The following ADAMTSL3 variants were observed in gnomAD, a reference collection of about 807,000 sequenced individuals.
ADAMTSL3 encodes ADAMTS like 3.
ADAMTSL3 carries 128 observed loss-of-function variants against 201.7 expected under a neutral mutation model. That is an observed-to-expected ratio of 0.63 (90% CI 0.55 to 0.73). ADAMTSL3 has a LOEUF of 0.73. ADAMTSL3 is among the 30% of genes least tolerant of loss of function. The pLI, the probability that ADAMTSL3 is intolerant of heterozygous loss-of-function variation, is 0.00. For synonymous variants in ADAMTSL3, 738 were observed against 748.4 expected, an observed-to-expected ratio of 0.99 and a Z score of 0.23; for missense variants, 1,990 against 2,119.6, an observed-to-expected ratio of 0.94 and a Z score of 1.20.
chr15:83,833,529 C>T (rs1241349628), intron 6 of ADAMTSL3, among the ~76,000 whole-genome samples: 1 of 152,168 alleles, frequency 6.6e-6, no homozygotes, highest in Non-Finnish European at 1.5e-5. Context: ...TGGACACATT[C>T]AGTCTATAGC....
chr15:84,006,600 A>G (rs1372074488), intron 23 of ADAMTSL3, among the ~76,000 whole-genome samples: 1 of 152,200 alleles, frequency 6.6e-6, no homozygotes, highest in African/African-American at 2.4e-5. Flanking sequence ...TTCCAAAACA[A>G]TTTCAGCATT....
chr15:83,961,040 A>G (rs2066959833), intron 19 of ADAMTSL3, among the ~76,000 whole-genome samples: 1 of 152,200 alleles, frequency 6.6e-6, no homozygotes, highest in Non-Finnish European at 1.5e-5. Context: ...ATGTCTAGGG[A>G]AAAAGTGGCT....
At chr15:83,778,004 G>A (rs994141679) in intron 4 of ADAMTSL3, among the ~76,000 whole-genome samples, 8 of 152,152 alleles carry the variant, frequency 5.3e-5, no homozygotes, top group African/African-American at 1.9e-4. Context: ...AATAGACCAA[G>A]TGGAGGAAAG....
intron 3 of ADAMTSL3, among the ~76,000 whole-genome samples, chr15:83,753,933 A>G (rs567302101): frequency 9.2e-5 from 14 of 152,204 alleles, no homozygotes; most frequent in Non-Finnish European, 1.8e-4. Flanking sequence ...TGAAGATTTT[A>G]ATAACATGTG....
intron 8 of ADAMTSL3, among the ~76,000 whole-genome samples, chr15:83,860,587 T>C (rs1045807572): frequency 5.9e-5 from 9 of 152,206 alleles, no homozygotes; most frequent in African/African-American, 2.2e-4. Flanking sequence ...TCTCATGATA[T>C]TAAAGGCCAT....
At chr15:83,984,699 A>G (rs1252438187) in intron 21 of ADAMTSL3, among the ~76,000 whole-genome samples, 1 of 152,200 alleles carries the variant, frequency 6.6e-6, no homozygotes, top group African/African-American at 2.4e-5. Flanking sequence ...GTTCATACAA[A>G]TAACATATTT....
intron 4 of ADAMTSL3, among the ~76,000 whole-genome samples, chr15:83,794,274 C>T (rs2063389418): frequency 6.6e-6 from 1 of 152,174 alleles, no homozygotes; most frequent in Admixed American, 6.6e-5. Context: ...AAACATGCAA[C>T]TACCATACAA....
chr15:83,941,379 G>A (rs1357550786), intron 17 of ADAMTSL3, among the ~76,000 whole-genome samples: 3 of 151,650 alleles, frequency 2.0e-5, no homozygotes. Context: ...CAATATGAGT[G>A]CTTATTTTAA....
chr15:83,776,336 G>A (rs1326526875), intron 4 of ADAMTSL3, among the ~76,000 whole-genome samples: 3 of 152,166 alleles, frequency 2.0e-5, no homozygotes, highest in Non-Finnish European at 4.4e-5. Context: ...TAACTCCAGT[G>A]AATTAAACTA....
rs1407451787 is a variant in ADAMTSL3 at position 83,892,700 on chromosome 15, T to C, written c.1279T>C (p.Trp427Arg). The C allele has an allele frequency of 6.2e-7, 1 of 1,613,668 alleles. No homozygotes were observed. The highest frequency in any genetic ancestry group is 8.5e-7 in the Non-Finnish European group (1 of 1,179,886). The change falls in exon 13 of 30, where the codon TGG becomes CGG. Residue 427 changes from tryptophan (W) to arginine (R), a missense_variant. Transcript: ENST00000286744. ...QPLPRWEHNPWTACSVSCGGG... is the reference protein window; with the variant it reads ...QPLPRWEHNPRTACSVSCGGG... ...GCTTTTGAGCTGGGAACATAATCCT[T>C]GGACTGCATGTTCCGTGTCCTGTGG...
intron 17 of ADAMTSL3, among the ~76,000 whole-genome samples, chr15:83,928,022 C>A (rs56208711): frequency 6.6e-6 from 1 of 151,520 alleles, no homozygotes; most frequent in African/African-American, 2.4e-5. Flanking sequence ...GTTGCTCAGG[C>A]TGGAGTGCAA....
intron 22 of ADAMTSL3, among the ~76,000 whole-genome samples, chr15:83,989,888 A>G (rs1370844587): frequency 6.6e-6 from 1 of 152,250 alleles, no homozygotes; most frequent in Non-Finnish European, 1.5e-5. Context: ...TTTTTCTTGC[A>G]GACAGTTCTG....
intron 19 of ADAMTSL3, among the ~76,000 whole-genome samples, chr15:83,951,855 G>A (rs1218991318): frequency 2.6e-5 from 4 of 152,180 alleles, no homozygotes; most frequent in African/African-American, 9.6e-5. Context: ...CAGTTCTAAT[G>A]TCTTCTTTTC....
At chr15:83,744,881 G>A (rs772383428) in intron 3 of ADAMTSL3, among the ~76,000 whole-genome samples, 10 of 152,072 alleles carry the variant, frequency 6.6e-5, no homozygotes, top group Admixed American at 3.3e-4. Context: ...TTATTATATC[G>A]ATGGGGACAG....
rs140552733 is a variant in ADAMTSL3 at position 83,982,569 on chromosome 15, C to T, written c.2941C>T (p.Arg981Trp). Residue 981 changes from arginine to tryptophan, a missense_variant, in exon 21 of 30, where the codon CGG (arginine) becomes TGG (tryptophan). Coordinates refer to ENST00000286744, the MANE Select transcript of ADAMTSL3 (RefSeq NM_207517.3). ...GLAAPDIGVY[R>W]CIAGSAQETV... ...TGCTGCCCCCGACATCGGCGTGTAC[C>T]GGTGCATTGCAGGCTCTGCACAGGA... 2.2e-3 allele frequency: 3,606 copies of T among 1,614,144 alleles called. 6 individuals carry two copies. Among genetic ancestry groups the T allele is most frequent in the Non-Finnish European group, 2.8e-3 (3,306 of 1,180,018 alleles).
In ADAMTSL3 at chr15:83,982,995, C is replaced by T; in HGVS notation, c.3367C>T (p.Gln1123Ter). Residue 1123 changes from glutamine (Q) to a stop codon, truncating the protein, a stop_gained, in exon 21 of 30, where the codon CAG becomes TAG. Coordinates refer to ENST00000286744, the MANE Select transcript of ADAMTSL3 (RefSeq NM_207517.3). LOFTEE classifies it high-confidence loss of function. Reference sequence around the variant, plus strand: ...TGATCTTGCGTCCCAGCTGATATATCAGCTGGTGGCCGAATTAGCCAAGGC... The same window carrying T: ...TGATCTTGCGTCCCAGCTGATATATTAGCTGGTGGCCGAATTAGCCAAGGC... ...SDDLASQLIY[Q>*]LVAELAKAQP... 1 of 1,614,112 alleles carries T rather than the reference C, an allele frequency of 6.2e-7. No individual in the cohort carries two copies. Among genetic ancestry groups the T allele is most frequent in the South Asian group, 1.1e-5 (1 of 91,082 alleles).
At chr15:84,006,559 C>T (rs764274809) in intron 23 of ADAMTSL3, among the ~76,000 whole-genome samples, 5 of 152,104 alleles carry the variant, frequency 3.3e-5, no homozygotes, top group African/African-American at 7.2e-5. Context: ...ACAGCCCCTC[C>T]GGCTCTGAAC....
At chr15:83,881,108 C>CTCTT (rs1306779997) in intron 9 of ADAMTSL3, among the ~76,000 whole-genome samples, 1 of 152,220 alleles carries the variant, frequency 6.6e-6, no homozygotes, top group Non-Finnish European at 1.5e-5. Context: ...CAGTCTAACA[C>CTCTT]TCTTCCAACT....
At chr15:83,749,024 G>C (rs2062596866) in intron 3 of ADAMTSL3, among the ~76,000 whole-genome samples, 1 of 152,140 alleles carries the variant, frequency 6.6e-6, no homozygotes, top group Non-Finnish European at 1.5e-5. Flanking sequence ...GCAGTGGGAG[G>C]TGTCAAACTG....
Sources: allele counts gnomAD v4.1 joint callset (sites outside exome capture counted in the v4.1 genomes callset), GRCh38; gene constraint gnomAD v4.1.1; transcripts MANE v1.5; gene names NCBI Gene and HGNC (gene_info 2026-07-23, HGNC 2026-07-21).